The following ZDHHC2 variants were observed in gnomAD, a reference collection of about 807,000 sequenced individuals.
The protein encoded by ZDHHC2 is palmitoyltransferase ZDHHC2.
A neutral mutation model predicts 55.6 loss-of-function variants in ZDHHC2; 51 were observed. The ratio of observed to expected loss-of-function variants is 0.92; its 90% confidence interval spans 0.73 to 1.16. The LOEUF (loss-of-function observed/expected upper bound fraction) is 1.16. ZDHHC2 is among the 50% of genes most tolerant of loss of function. The probability of loss-of-function intolerance (pLI) is 0.00; values close to 1 mark genes in which losing one functional copy is unlikely to be tolerated. For synonymous variants in ZDHHC2, 199 were observed against 152.9 expected (o/e 1.30, Z -2.22); for missense variants, 491 against 442.4 (o/e 1.11, Z -0.99).
At chr8:17,204,727 G>A (rs1419470831) in intron 6 of ZDHHC2, among the ~76,000 whole-genome samples, 3 of 152,098 alleles carry the variant, frequency 2.0e-5, no homozygotes, top group Admixed American at 6.5e-5. Flanking sequence ...TAATACCTGG[G>A]TGATGAAATA....
chr8:17,184,519 C>CA (rs776209908), intron 1 of ZDHHC2, among the ~76,000 whole-genome samples: 44 of 152,314 alleles, frequency 2.9e-4, no homozygotes, highest in Non-Finnish European at 4.6e-4. Context: ...ATAAGACCCG[C>CA]AAGGGGCACA....
At chr8:17,202,721 T>TTATATATA (rs71964858) in intron 6 of ZDHHC2, among the ~76,000 whole-genome samples, 5,073 of 137,908 alleles carry the variant, frequency 0.037, 125 homozygotes, top group Non-Finnish European at 0.048. Flanking sequence ...TTTCTTCTAG[T>TTATATATA]TATATATATA....
intron 5 of ZDHHC2, 68 bp from the exon 6 acceptor site, chr8:17,198,313 A>G (rs1806430439): frequency 2.9e-6 from 4 of 1,400,424 alleles, no homozygotes; most frequent in Non-Finnish European, 2.9e-6. Context: ...CATAATTTAT[A>G]TTTTTATAAT....
At position 17,224,653 on chromosome 8, in the gene ZDHHC2, A is replaced by C. The variant is rs1485951443; in HGVS notation, c.*4432A>C. On this transcript the variant is annotated 3_prime_UTR_variant, in exon 13 of 13. Coordinates refer to ENST00000262096, the MANE Select transcript of ZDHHC2 (RefSeq NM_016353.5). ...TTCCGTTGATTCTGAATTTAAAAAG[A>C]TACTACAGAATGCGTCAGTTCTCCT... is the stretch of plus-strand genomic sequence containing the variant. 6.6e-6 allele frequency: 1 copy of C among 151,758 alleles called. No homozygotes were observed. The highest frequency in any genetic ancestry group is 1.5e-5 in the Non-Finnish European group (1 of 67,724). 9.4% of individuals were successfully genotyped at this position (151,758 alleles called of 1,614,324 possible).
chr8:17,157,246 C>T (rs963557301), intron 1 of ZDHHC2, among the ~76,000 whole-genome samples: 1 of 152,196 alleles, frequency 6.6e-6, no homozygotes, highest in African/African-American at 2.4e-5. Context: ...CCCCGAGCTG[C>T]GCCAGACCCG....
At chr8:17,176,356 A>G (rs1410849460) in intron 1 of ZDHHC2, among the ~76,000 whole-genome samples, 2 of 152,118 alleles carry the variant, frequency 1.3e-5, no homozygotes, top group East Asian at 1.9e-4. Flanking sequence ...CTTTGCTTCT[A>G]TTTTGAAGCT....
At chr8:17,200,187 G>C (rs867443596) in intron 6 of ZDHHC2, among the ~76,000 whole-genome samples, 22 of 152,310 alleles carry the variant, frequency 1.4e-4, no homozygotes, top group African/African-American at 4.8e-4. Context: ...CCTGCTGGCA[G>C]CTCCCCATTC....
chr8:17,207,103 C>T (rs1004998287), intron 7 of ZDHHC2, among the ~76,000 whole-genome samples: 3 of 152,162 alleles, frequency 2.0e-5, no homozygotes, highest in Admixed American at 1.3e-4. Context: ...CCAGAATTTT[C>T]GCTGTCAAAA....
intron 3 of ZDHHC2, among the ~76,000 whole-genome samples, chr8:17,186,940 G>A (rs965161449): frequency 5.9e-5 from 9 of 152,154 alleles, no homozygotes; most frequent in African/African-American, 1.9e-4. Context: ...TTGGTCTAAG[G>A]GGGACTCTGC....
In ZDHHC2 at chr8:17,198,377, T is replaced by C; in HGVS notation, c.444-4T>C. 2.5e-6 allele frequency: 4 copies of C among 1,601,904 alleles called. No homozygotes were observed. The highest frequency in any genetic ancestry group is 3.4e-6 in the Non-Finnish European group (4 of 1,174,612). ...TAGGTTTTGTGTTCTGCTTTGTTTT[T>C]TAGATGTATTTTGAAGATGGATCAT... On this transcript the variant is annotated splice_region_variant and splice_polypyrimidine_tract_variant and intron_variant, in intron 5 of 12. Transcript: ENST00000262096.
rs1402172161 is a variant in ZDHHC2, at chr8:17,199,503, T to TTCGTCTTCGTCTTCG, written c.476+1092_476+1093insGTCTTCGTCTTCGTC. 1.0e-3 allele frequency among the ~76,000 whole-genome samples: 65 copies of TTCGTCTTCGTCTTCG among 63,214 alleles called. 1 individual carries two copies. Among genetic ancestry groups the TTCGTCTTCGTCTTCG allele is most frequent in the African/African-American group, 2.6e-3 (55 of 21,040 alleles). 41.5% of individuals were successfully genotyped at this position (63,214 alleles called of 152,430 possible). A position where few individuals can be genotyped will look rare whatever the true frequency, so the allele number is the denominator to read the frequency against. On this transcript the variant is annotated intron_variant, in intron 6 of 12. Coordinates refer to ENST00000262096, the MANE Select transcript of ZDHHC2 (RefSeq NM_016353.5). ...CTTCTTCTTCTTCTTCTTCTTCTTC[T>TTCGTCTTCGTCTTCG]TCTTCTTCTTCGTCTTCGTCTTCGT...
chr8:17,199,509 T>TTCTTCTTCTTCG lies in ZDHHC2; in HGVS notation c.476+1101_476+1102insTTCTTCGTCTTC, dbSNP rs1297662337. Among the ~76,000 whole-genome samples, 988 of 120,782 alleles carry TTCTTCTTCTTCG rather than the reference T, an allele frequency of 8.2e-3. 21 individuals carry two copies. The highest frequency in any genetic ancestry group is 0.012 in the Non-Finnish European group (715 of 60,718). 79.2% of individuals were successfully genotyped at this position (120,782 alleles called of 152,430 possible). A position where few individuals can be genotyped will look rare whatever the true frequency, so the allele number is the denominator to read the frequency against. On this transcript the variant is annotated intron_variant, in intron 6 of 12. Transcript: ENST00000262096. Reference sequence around the variant, plus strand: ...CTTCTTCTTCTTCTTCTTCTTCTTCTTCTTCGTCTTCGTCTTCGTCTTCTG... The same window carrying TTCTTCTTCTTCG: ...CTTCTTCTTCTTCTTCTTCTTCTTCTTCTTCTTCTTCGTCTTCGTCTTCGTCTTCGTCTTCTG...
chr8:17,201,479 CTCTTTTTTTTTTTTT>C (rs1244362580), intron 6 of ZDHHC2, among the ~76,000 whole-genome samples: 6 of 88,194 alleles, frequency 6.8e-5, no homozygotes, highest in Admixed American at 1.6e-4. Context: ...CTCTCTCTCT[CTCTTTTTTTTTTTTT>C]TTTTTTTTTT....
At chr8:17,159,319 A>C (rs1435176802) in intron 1 of ZDHHC2, among the ~76,000 whole-genome samples, 1 of 152,128 alleles carries the variant, frequency 6.6e-6, no homozygotes, top group African/African-American at 2.4e-5. Flanking sequence ...TCCATAAAAC[A>C]TTGGCCAAGG....
chr8:17,208,974 A>C (rs1807239762), intron 8 of ZDHHC2, among the ~76,000 whole-genome samples: 2 of 152,198 alleles, frequency 1.3e-5, no homozygotes, highest in African/African-American at 2.4e-5. Context: ...ACATTTTTTC[A>C]TAGTGCCTAA....
At chr8:17,192,793 G>T (rs1283447910) in intron 3 of ZDHHC2, among the ~76,000 whole-genome samples, 1 of 152,080 alleles carries the variant, frequency 6.6e-6, no homozygotes, top group African/African-American at 2.4e-5. Context: ...TTTGATTTTT[G>T]CGTATGGCAA....
chr8:17,182,443 G>C (rs1805476826), intron 1 of ZDHHC2, among the ~76,000 whole-genome samples: 1 of 152,108 alleles, frequency 6.6e-6, no homozygotes, highest in South Asian at 2.1e-4. Flanking sequence ...ATTAAACAGA[G>C]TTACGTTTAC....
At chr8:17,182,111 T>G (rs1291673526) in intron 1 of ZDHHC2, among the ~76,000 whole-genome samples, 1 of 152,196 alleles carries the variant, frequency 6.6e-6, no homozygotes, top group Non-Finnish European at 1.5e-5. Context: ...TATCTGTTAA[T>G]GAAATAAGTT....
chr8:17,213,331 G>A (rs752746732), intron 10 of ZDHHC2, among the ~76,000 whole-genome samples: 4 of 151,034 alleles, frequency 2.6e-5, no homozygotes, highest in African/African-American at 4.9e-5. Context: ...TCGGCTCACT[G>A]CAACCTCTGT....
Sources: allele counts gnomAD v4.1 joint callset (sites outside exome capture counted in the v4.1 genomes callset), GRCh38; gene constraint gnomAD v4.1.1; transcripts MANE v1.5; gene names NCBI Gene and HGNC (gene_info 2026-07-23, HGNC 2026-07-21).